ACACB: variants seen among roughly 807,000 people sequenced by gnomAD.
ACACB encodes acetyl-CoA carboxylase beta, also known as acetyl-CoA carboxylase 2.
A neutral mutation model predicts 278.8 loss-of-function variants in ACACB; 209 were observed. The observed-to-expected ratio is 0.75, with a 90% CI of 0.67 to 0.84. The LOEUF is 0.84. ACACB is among the 40% of genes least tolerant of loss of function. The pLI, the probability that ACACB is intolerant of heterozygous loss-of-function variation, is 0.00. For missense variants in ACACB, 2,850 were observed against 3,269.0 expected (o/e 0.87, Z 3.13); for synonymous variants, 1,174 against 1,285.6 (o/e 0.91, Z 1.86).
chr12:109,263,783 A>G lies in ACACB; in HGVS notation c.6788-449A>G, dbSNP rs75339841. On this transcript the variant is annotated intron_variant, in intron 49 of 52. Transcript: ENST00000338432. ...TTTGTGTGTTTCAAGGAATTTGTCTATTTCATCTTAAGTTGTCAATTTGGC... is the reference window on the plus strand; with the variant it reads ...TTTGTGTGTTTCAAGGAATTTGTCTGTTTCATCTTAAGTTGTCAATTTGGC... 4.8e-3 allele frequency: 737 copies of G among 153,502 alleles called. 26 individuals are homozygous for G. Among genetic ancestry groups the G allele is most frequent in the Admixed American group, 0.041 (629 of 15,390 alleles). The allele number at this position is 153,502 out of a possible 1,614,324, so 9.5% of individuals were successfully genotyped here.
chr12:109,233,950 G>C lies in ACACB; in HGVS notation c.4252G>C (p.Glu1418Gln). ...TTCTCCCTCTCAGAGCCTCAGAGAAGAGCCCATCCACATTCTGAATGTGTC... is the reference window on the plus strand; with the variant it reads ...TTCTCCCTCTCAGAGCCTCAGAGAACAGCCCATCCACATTCTGAATGTGTC... ...SEDDCKSLRE[E>Q]PIHILNVSIQ... Residue 1418 changes from glutamate (E) to glutamine (Q), a missense_variant, in exon 31 of 53, where the codon GAG (glutamate) becomes CAG (glutamine). Transcript: ENST00000338432. The C allele has an allele frequency of 6.2e-7, 1 of 1,614,150 alleles. No homozygotes were observed. The highest frequency in any genetic ancestry group is 8.5e-7 in the Non-Finnish European group (1 of 1,180,004).
intron 22 of ACACB, among the ~76,000 whole-genome samples, chr12:109,213,284 G>A (rs550791336): frequency 6.6e-5 from 10 of 151,920 alleles, no homozygotes; most frequent in African/African-American, 1.7e-4. Flanking sequence ...GGCTGGTCTC[G>A]AACTCCTGAC....
chr12:109,122,214 C>A (rs916976653), intron 1 of ACACB, among the ~76,000 whole-genome samples: 3 of 152,172 alleles, frequency 2.0e-5, no homozygotes, highest in African/African-American at 7.2e-5. Context: ...GGGTGAGTGA[C>A]TTTGCGTCAC....
chr12:109,237,444 C>G (rs761351903), intron 34 of ACACB, 64 bp downstream of exon 34: 38 of 1,502,738 alleles, frequency 2.5e-5, no homozygotes, highest in Non-Finnish European at 3.3e-5. Context: ...TACATTCCTG[C>G]TCTGTGCTGG....
chr12:109,202,091 G>T (rs985793375), intron 19 of ACACB, among the ~76,000 whole-genome samples: 1 of 152,086 alleles, frequency 6.6e-6, no homozygotes, highest in Non-Finnish European at 1.5e-5. Flanking sequence ...CCCAGACTTT[G>T]CAGGGATCAC....
At chr12:109,183,423 A>G (rs1379299337) in intron 11 of ACACB, among the ~76,000 whole-genome samples, 1 of 152,176 alleles carries the variant, frequency 6.6e-6, no homozygotes, top group Non-Finnish European at 1.5e-5. Context: ...AACATGGAAT[A>G]TCTTTCCATT....
At chr12:109,189,480 A>G (rs2044785355) in intron 13 of ACACB, among the ~76,000 whole-genome samples, 1 of 152,208 alleles carries the variant, frequency 6.6e-6, no homozygotes, top group Admixed American at 6.5e-5. Flanking sequence ...CAACTTCAAC[A>G]GAACTCACAG....
At chr12:109,240,672 G>A (rs1362373421) in intron 35 of ACACB, among the ~76,000 whole-genome samples, 2 of 150,872 alleles carry the variant, frequency 1.3e-5, no homozygotes. Context: ...TGATACATCC[G>A]TTTGGTATCT....
intron 1 of ACACB, among the ~76,000 whole-genome samples, chr12:109,133,863 A>ATTTTTTTTTTTTT (rs67896522): frequency 1.4e-5 from 1 of 70,656 alleles, no homozygotes; most frequent in African/African-American, 8.9e-5. Context: ...ATATATATAT[A>ATTTTTTTTTTTTT]TTTTTTTTTT....
At chr12:109,129,334 G>A (rs111721002) in intron 1 of ACACB, among the ~76,000 whole-genome samples, 3 of 152,064 alleles carry the variant, frequency 2.0e-5, no homozygotes, top group Admixed American at 6.5e-5. Flanking sequence ...CGGTTTTCTC[G>A]CCTGTGAAAG....
intron 16 of ACACB, among the ~76,000 whole-genome samples, 181 bp downstream of exon 16, chr12:109,193,910 G>A (rs2044992616): frequency 6.6e-6 from 1 of 152,222 alleles, no homozygotes; most frequent in Non-Finnish European, 1.5e-5. Context: ...TTTAGAACAT[G>A]TAGGGCTGTG....
chr12:109,212,159 A>G (rs2045867462), intron 21 of ACACB, among the ~76,000 whole-genome samples: 1 of 152,084 alleles, frequency 6.6e-6, no homozygotes, highest in Admixed American at 6.6e-5. Context: ...GTTTCAGGGT[A>G]GCTGGAAGGC....
chr12:109,257,452 C>T (rs1445134145), intron 45 of ACACB, among the ~76,000 whole-genome samples: 1 of 152,150 alleles, frequency 6.6e-6, no homozygotes, highest in African/African-American at 2.4e-5. Context: ...TAACTGATGT[C>T]ATGGCATCCC....
intron 1 of ACACB, among the ~76,000 whole-genome samples, chr12:109,133,929 GT>G (rs1218592082): frequency 1.8e-5 from 1 of 55,250 alleles, no homozygotes; most frequent in Non-Finnish European, 4.0e-5. Flanking sequence ...GTTTTGTTTT[GT>G]TTTTTTGAGA....
chr12:109,157,307 G>A (rs1209581234), intron 2 of ACACB, among the ~76,000 whole-genome samples: 5 of 69,478 alleles, frequency 7.2e-5, no homozygotes, highest in Admixed American at 2.5e-4. Context: ...TTACAGACAG[G>A]GTCTTGCTCT....
intron 22 of ACACB, among the ~76,000 whole-genome samples, chr12:109,214,163 G>A (rs548465269): frequency 6.6e-6 from 1 of 152,226 alleles, no homozygotes; most frequent in African/African-American, 2.4e-5. Context: ...TCAGGAGGCT[G>A]AGGTGAGAGG....
At chr12:109,162,409 A>G (rs7966218) in intron 2 of ACACB, among the ~76,000 whole-genome samples, 124,373 of 151,998 alleles carry the variant, frequency 0.82, 51,487 homozygotes, top group Middle Eastern at 0.9. Context: ...CAAAAGGCAT[A>G]GTGTCTGGCA....
In ACACB at chr12:109,210,149, A is replaced by ACACACACG. The variant is rs1169018023; in HGVS notation, c.3249+796_3249+797insCACACACG. ...CATGTATGTGTGTATATATGTATAT[A>ACACACACG]TACACACGTGTGTATATGTATATAT... On this transcript the variant is annotated intron_variant, in intron 21 of 52. Coordinates refer to ENST00000338432, the MANE Select transcript of ACACB (RefSeq NM_001093.4). 1.6e-4 allele frequency among the ~76,000 whole-genome samples: 11 copies of ACACACACG among 67,758 alleles called. 1 individual carries two copies. Among genetic ancestry groups the ACACACACG allele is most frequent in the Non-Finnish European group, 2.9e-4 (9 of 31,462 alleles). The allele number at this position is 67,758 out of a possible 152,430, so 44.5% of individuals were successfully genotyped here.
At chr12:109,185,407 T>G (rs750235517) in intron 11 of ACACB, among the ~76,000 whole-genome samples, 172 bp from the exon 12 acceptor site, 1 of 152,230 alleles carries the variant, frequency 6.6e-6, no homozygotes, top group Non-Finnish European at 1.5e-5. Context: ...TCTTATGGCT[T>G]TTTCTTTCTT....
Sources: gnomAD v4.1 joint callset for allele counts (sites outside exome capture counted in the v4.1 genomes callset) on GRCh38, gnomAD v4.1.1 for gene constraint, MANE v1.5 for transcripts, NCBI Gene and HGNC (gene_info 2026-07-23, HGNC 2026-07-21) for gene names.